Variants in STAU2 observed in about 807,000 individuals in gnomAD.
STAU2 encodes double-stranded RNA-binding protein Staufen homolog 2.
A neutral mutation model predicts 65.9 loss-of-function variants in STAU2; 20 were observed. The ratio of observed to expected loss-of-function variants is 0.30; its 90% CI spans 0.21 to 0.44. The LOEUF (loss-of-function observed/expected upper bound fraction) is 0.44, where lower values mean the gene tolerates loss of function less well. Ranked by LOEUF, STAU2 falls within the 20% of genes least tolerant of loss-of-function variation. The pLI, the probability that STAU2 is intolerant of heterozygous loss-of-function variation, is 1.00. For synonymous variants in STAU2, 232 were observed against 233.9 expected (o/e 0.99, Z 0.07); for missense variants, 558 against 683.9 (o/e 0.82, Z 2.05).
chr8:73,666,393 C>T (rs2130362399), intron 6 of STAU2, among the ~76,000 whole-genome samples: 1 of 152,182 alleles, frequency 6.6e-6, no homozygotes, highest in East Asian at 1.9e-4. Context: ...CTTCTTTCGC[C>T]CTATCAAATT....
rs369041333 is a variant in STAU2, at chr8:73,603,748, C to T, written c.1007G>A (p.Arg336Gln). ...TACCTGCATCACAAATTCTCGACGT[C>T]GAGGCATTCCTCTTTCTGAAAGCAA... ...YVLLSERGMP[R>Q]RREFVMQVKV... The change falls in exon 10 of 15, where the codon CGA (arginine) becomes CAA (glutamine). Residue 336 changes from arginine to glutamine, a missense_variant. Arg to Gln is a conservative substitution (Grantham distance 43). This residue lies in a region of STAU2 where 199 missense variants were observed against 299.5 expected (regional missense o/e 0.66). Transcript: ENST00000524300. 3.1e-6 allele frequency: 5 copies of T among 1,610,930 alleles called. No individual in the cohort carries two copies. The highest frequency in any genetic ancestry group is 1.1e-5 in the South Asian group (1 of 90,662).
chr8:73,528,721 G>A (rs1332824961), intron 13 of STAU2, among the ~76,000 whole-genome samples: 1 of 152,142 alleles, frequency 6.6e-6, no homozygotes, highest in Admixed American at 6.5e-5. Context: ...AGGCTTAAGT[G>A]AAAATTTTGA....
At chr8:73,483,512 T>C (rs74448923) in intron 13 of STAU2, among the ~76,000 whole-genome samples, 17 of 115,918 alleles carry the variant, frequency 1.5e-4, no homozygotes, top group Non-Finnish European at 2.5e-4. Flanking sequence ...TAATGTACTA[T>C]TACCTTAACA....
chr8:73,506,422 T>C (rs914755586), intron 13 of STAU2, among the ~76,000 whole-genome samples: 4 of 152,296 alleles, frequency 2.6e-5, no homozygotes, highest in South Asian at 2.1e-4. Flanking sequence ...CACACAACTT[T>C]TTTTGTTTCC....
Position 73,470,535 on chromosome 8 carries a change from C to T in STAU2, c.1531-47833G>A, listed in dbSNP as rs139056607. Among the ~76,000 whole-genome samples the T allele has an allele frequency of 9.9e-4, 151 of 152,244 alleles. 4 individuals carry two copies. Among genetic ancestry groups the T allele is most frequent in the African/African-American group, 3.3e-3 (138 of 41,548 alleles). ...AGTAGAGGCCAGGCGCAGCAGCTCT[C>T]GCCTGTAATCCCAACAATTTGGGAG... On this transcript the variant is annotated intron_variant, in intron 13 of 14. Transcript: ENST00000524300.
chr8:73,704,992 G>A (rs1332886356), intron 4 of STAU2, among the ~76,000 whole-genome samples: 2 of 152,100 alleles, frequency 1.3e-5, no homozygotes, highest in Non-Finnish European at 2.9e-5. Context: ...TGAATGTTAT[G>A]AGACAAAACT....
chr8:73,719,387 G>GA (rs1563527696), intron 3 of STAU2, among the ~76,000 whole-genome samples: 1 of 152,024 alleles, frequency 6.6e-6, no homozygotes, highest in East Asian at 1.9e-4. Flanking sequence ...GCAACAGAGC[G>GA]AGACTGTCTC....
chr8:73,551,689 T>C, intron 13 of STAU2: 1 of 1,017,810 alleles, frequency 9.8e-7, no homozygotes, highest in South Asian at 4.6e-5. Flanking sequence ...GAATTTTTGT[T>C]TGTGGAAGAC....
chr8:73,554,470 A>G (rs536821570), intron 12 of STAU2, among the ~76,000 whole-genome samples: 1 of 152,322 alleles, frequency 6.6e-6, no homozygotes, highest in South Asian at 2.1e-4. Context: ...CGTGGTATAC[A>G]TCTTTCCCCT....
intron 6 of STAU2, among the ~76,000 whole-genome samples, chr8:73,636,180 C>T (rs1814498423): frequency 6.6e-6 from 1 of 152,086 alleles, no homozygotes; most frequent in Non-Finnish European, 1.5e-5. Flanking sequence ...CATAGCAAAA[C>T]CCCATATCTA....
chr8:73,542,952 CAT>C (rs764081705), intron 13 of STAU2, among the ~76,000 whole-genome samples: 30 of 152,162 alleles, frequency 2.0e-4, no homozygotes, highest in African/African-American at 2.7e-4. Flanking sequence ...GAACTGGAAA[CAT>C]ATGTCTGCAC....
intron 3 of STAU2, among the ~76,000 whole-genome samples, chr8:73,731,131 C>T (rs1269762018): frequency 6.6e-6 from 1 of 152,102 alleles, no homozygotes; most frequent in East Asian, 1.9e-4. Context: ...TAGTGCTTTC[C>T]AAGTGTTTTC....
rs371926420 is a variant in STAU2, at chr8:73,743,237, A to G, written c.-196-3369T>C. Among the ~76,000 whole-genome samples the G allele has an allele frequency of 1.1e-4, 17 of 152,092 alleles. No homozygotes were observed. The East Asian group carries it at 3.1e-3, about 28-fold the overall frequency. ...CACAGGCCAGAAAAAAAAAAAAGGAAACTAACATTTTTCAGACACCAATTG... is the reference window on the plus strand; with the variant it reads ...CACAGGCCAGAAAAAAAAAAAAGGAGACTAACATTTTTCAGACACCAATTG... On this transcript the variant is annotated intron_variant, in intron 1 of 14. Transcript: ENST00000524300.
upstream of STAU2, chr8:73,747,293 C>T (rs780186231): frequency 1.0e-3 from 1,493 of 1,451,488 alleles, 2 homozygotes; most frequent in Non-Finnish European, 1.3e-3. Context: ...GGGGCAGCCC[C>T]TTCCACACCT....
chr8:73,724,273 G>A (rs2130721010), intron 3 of STAU2, among the ~76,000 whole-genome samples: 1 of 152,176 alleles, frequency 6.6e-6, no homozygotes, highest in South Asian at 2.1e-4. Context: ...GTTTCAAGAG[G>A]ACAGTAAACA....
chr8:73,467,870 C>G (rs1819745884), intron 13 of STAU2, among the ~76,000 whole-genome samples: 2 of 152,136 alleles, frequency 1.3e-5, no homozygotes, highest in Admixed American at 1.3e-4. Flanking sequence ...ATGAAAATGG[C>G]CATACTGCCC....
intron 5 of STAU2, among the ~76,000 whole-genome samples, chr8:73,677,731 A>G (rs1336975917): frequency 1.3e-5 from 2 of 152,192 alleles, no homozygotes; most frequent in African/African-American, 4.8e-5. Context: ...TCACAGCATA[A>G]AAATTCATCA....
chr8:73,629,089 T>C (rs949425516), intron 6 of STAU2, among the ~76,000 whole-genome samples: 1 of 152,228 alleles, frequency 6.6e-6, no homozygotes, highest in Non-Finnish European at 1.5e-5. Flanking sequence ...ATGAATTTAG[T>C]CATACATTTG....
intron 4 of STAU2, among the ~76,000 whole-genome samples, chr8:73,693,785 G>A (rs1258968518): frequency 6.6e-6 from 1 of 152,200 alleles, no homozygotes; most frequent in Admixed American, 6.5e-5. Context: ...TACAACACTG[G>A]GAAGTTAATT....
Sources: gnomAD v4.1 joint callset for allele counts (sites outside exome capture counted in the v4.1 genomes callset) on GRCh38, gnomAD v4.1.1 for gene constraint, gnomAD v4.1.1 regional missense constraint, MANE v1.5 for transcripts, NCBI Gene and HGNC (gene_info 2026-07-23, HGNC 2026-07-21) for gene names.